CBL: variants seen among roughly 807,000 people sequenced by gnomAD.
The protein encoded by CBL is Cbl proto-oncogene, also known as E3 ubiquitin-protein ligase CBL.
A neutral mutation model predicts 96.9 loss-of-function variants in CBL; 45 were observed. That is an observed-to-expected ratio of 0.46 (90% confidence interval 0.37 to 0.60). The LOEUF (loss-of-function observed/expected upper bound fraction) is 0.60, where lower values mean the gene tolerates loss of function less well. Ranked by LOEUF, CBL falls within the 20% of genes least tolerant of loss-of-function variation. The pLI is 0.00. For missense variants in CBL, 1,024 were observed against 1,143.5 expected (o/e 0.90, Z 1.51); for synonymous variants, 420 against 426.8 (o/e 0.98, Z 0.20).
chr11:119,209,163 C>T (rs561550413), intron 1 of CBL, among the ~76,000 whole-genome samples: 1 of 152,302 alleles, frequency 6.6e-6, no homozygotes, highest in Admixed American at 6.5e-5. Flanking sequence ...TGCACCATCT[C>T]TTTTACCCTT....
In CBL at chr11:119,232,429, T is replaced by G; in HGVS notation, c.196-19T>G. 6.2e-7 allele frequency: 1 copy of G among 1,612,428 alleles called. No homozygotes were observed. The highest frequency in any genetic ancestry group is 1.7e-4 in the Middle Eastern group (1 of 6,058). On this transcript the variant is annotated intron_variant, in intron 1 of 15. Coordinates refer to ENST00000264033, the MANE Select transcript of CBL (RefSeq NM_005188.4). Reference sequence around the variant, plus strand: ...TTAAAATTCTCCAAGTAATAGCCCTTCTTTTTCATTTGTTGCAGGTGGTGC... The same window carrying G: ...TTAAAATTCTCCAAGTAATAGCCCTGCTTTTTCATTTGTTGCAGGTGGTGC...
rs376975259 is a variant in CBL at position 119,235,795 on chromosome 11, C to T, written c.443+3100C>T. Among the ~76,000 whole-genome samples the T allele has an allele frequency of 1.5e-4, 23 of 152,266 alleles. 1 individual carries two copies. The East Asian group carries it at 4.2e-3, about 28-fold the overall frequency. On this transcript the variant is annotated intron_variant, in intron 2 of 15. Transcript: ENST00000264033. Reference sequence around the variant, plus strand: ...ACAAGTTCTTTTGCCTCTTTTTAAACCTCACTGTCAGTGTGCCTGTCTGTA... The same window carrying T: ...ACAAGTTCTTTTGCCTCTTTTTAAATCTCACTGTCAGTGTGCCTGTCTGTA...
chr11:119,250,434 C>G (rs1363561077), intron 2 of CBL, among the ~76,000 whole-genome samples: 2 of 152,152 alleles, frequency 1.3e-5, no homozygotes, highest in African/African-American at 4.8e-5. Context: ...ATGCATCTCT[C>G]TCCTCTCTTG....
intron 2 of CBL, among the ~76,000 whole-genome samples, chr11:119,241,653 AGT>A (rs754661281): frequency 3.9e-5 from 6 of 152,204 alleles, no homozygotes; most frequent in Non-Finnish European, 7.3e-5. Flanking sequence ...GTTTTCAATA[AGT>A]GTGCAAAATT....
chr11:119,207,437 A>G (rs866317759), intron 1 of CBL, among the ~76,000 whole-genome samples: 1 of 152,192 alleles, frequency 6.6e-6, no homozygotes, highest in African/African-American at 2.4e-5. Context: ...TTTTTCTGGT[A>G]ACGGTTCTGA....
rs188372081 is a variant in CBL, at chr11:119,218,187, G to A, written c.195+11575G>A. On this transcript the variant is annotated intron_variant, in intron 1 of 15. Coordinates refer to ENST00000264033, the MANE Select transcript of CBL (RefSeq NM_005188.4). ...ACATAAATGTAGTAGTTGCTGGGGAGTTAAAGATGACCCGGCACTCACACT... is the reference window on the plus strand; with the variant it reads ...ACATAAATGTAGTAGTTGCTGGGGAATTAAAGATGACCCGGCACTCACACT... Among the ~76,000 whole-genome samples the A allele has an allele frequency of 3.2e-3, 481 of 152,288 alleles. 1 individual carries two copies. The highest frequency in any genetic ancestry group is 8.8e-3 in the Admixed American group (135 of 15,284).
chr11:119,245,590 A>G (rs1949620869), intron 2 of CBL, among the ~76,000 whole-genome samples: 1 of 151,854 alleles, frequency 6.6e-6, no homozygotes, highest in Admixed American at 6.6e-5. Context: ...TTACCCGGGC[A>G]TGGTGGTGGG....
chr11:119,256,686 G>GT (rs56753854), intron 2 of CBL, among the ~76,000 whole-genome samples: 250 of 134,778 alleles, frequency 1.9e-3, no homozygotes, highest in African/African-American at 4.0e-3. Flanking sequence ...TATGTAGTTT[G>GT]TTTTTTTTTT....
chr11:119,271,779 C>T lies in CBL; in HGVS notation c.488C>T (p.Ala163Val), dbSNP rs761864498. 1.9e-6 allele frequency: 3 copies of T among 1,613,924 alleles called. No homozygotes were observed. Among genetic ancestry groups the T allele is most frequent in the Admixed American group, 1.7e-5 (1 of 60,020 alleles). ...TCCCTCATCTTCAGCCACATGCTGG[C>T]AGAACTAAAAGGAATCTTTCCAAGT... ...KLSLIFSHMLAELKGIFPSGL... is the reference protein window; with the variant it reads ...KLSLIFSHMLVELKGIFPSGL... Residue 163 changes from alanine to valine, a missense_variant, in exon 3 of 16, where the codon GCA becomes GTA. This residue lies in a region of CBL where 192 missense variants were observed against 321.8 expected (regional missense o/e 0.60). Coordinates refer to ENST00000264033, the MANE Select transcript of CBL (RefSeq NM_005188.4).
In CBL at chr11:119,303,484, CAT is replaced by C. The variant is rs1950114928; in HGVS notation, c.*3705_*3706del. On this transcript the variant is annotated 3_prime_UTR_variant, in exon 16 of 16. Transcript: ENST00000264033. ...GTTTGGGGGATTGTACTTGGACTGTCATAGCCTCTGCGTTTGACCTTAAAATA... is the reference window on the plus strand; with the variant it reads ...GTTTGGGGGATTGTACTTGGACTGTCAGCCTCTGCGTTTGACCTTAAAATA... 1 of 233,578 alleles carries C rather than the reference CAT, an allele frequency of 4.3e-6. No homozygotes were observed. The highest frequency in any genetic ancestry group is 1.8e-4 in the South Asian group (1 of 5,536). 14.5% of individuals were successfully genotyped at this position (233,578 alleles called of 1,614,324 possible).
intron 2 of CBL, among the ~76,000 whole-genome samples, chr11:119,245,956 C>CTTTTTTTTTTTTTTT (rs71048054): frequency 3.7e-5 from 2 of 54,282 alleles, no homozygotes; most frequent in East Asian, 6.4e-4. Flanking sequence ...CTTTGCAAAT[C>CTTTTTTTTTTTTTTT]TTTTTTTTTT....
At position 119,261,677 on chromosome 11, in the gene CBL, A is replaced by G. The variant is rs536129818; in HGVS notation, c.444-10058A>G. On this transcript the variant is annotated intron_variant, in intron 2 of 15. Transcript: ENST00000264033. ...AGTACTGAGGGTTAATATGCTTTCA[A>G]TTGTGGGCAAATGCTCCAGTGCATG... is the stretch of plus-strand genomic sequence containing the variant. Among the ~76,000 whole-genome samples, 10 of 152,326 alleles carry G rather than the reference A, an allele frequency of 6.6e-5. No individual in the cohort carries two copies. In the South Asian group the frequency reaches 2.1e-3, roughly 32 times the overall value.
chr11:119,297,564 A>T (rs1950073100), intron 14 of CBL, 83 bp downstream of exon 14: 1 of 1,018,832 alleles, frequency 9.8e-7, no homozygotes. Context: ...AGATAGCTTG[A>T]TCTAAGCTCA....
chr11:119,290,266 G>A (rs567408858), intron 12 of CBL, among the ~76,000 whole-genome samples: 1 of 152,110 alleles, frequency 6.6e-6, no homozygotes, highest in South Asian at 2.1e-4. Flanking sequence ...GGCTGGTCTC[G>A]AACTTCTGGG....
intron 13 of CBL, 60 bp downstream of exon 13, chr11:119,297,094 C>T: frequency 1.1e-6 from 1 of 890,840 alleles, no homozygotes; most frequent in Middle Eastern, 2.1e-4. Flanking sequence ...TGACACCCTT[C>T]ACCTGCTTGG....
chr11:119,299,426 A>G, intron 15 of CBL, 69 bp from the exon 16 acceptor site: 1 of 1,423,012 alleles, frequency 7.0e-7, no homozygotes, highest in Admixed American at 1.7e-5. Flanking sequence ...ATATTAGCAC[A>G]TTTTTATTGC....
In CBL at chr11:119,308,021, T is replaced by C. The variant is rs1178859009; in HGVS notation, c.*8240T>C. ...TTGCCAGTGTATTAATGTTTAGAAG[T>C]CTGTTTTACTAATGTTATTTATTAA... On this transcript the variant is annotated 3_prime_UTR_variant, in exon 16 of 16. Coordinates refer to ENST00000264033, the MANE Select transcript of CBL (RefSeq NM_005188.4). 3 of 187,406 alleles carry C rather than the reference T, an allele frequency of 1.6e-5. No homozygotes were observed. The highest frequency in any genetic ancestry group is 3.4e-5 in the Non-Finnish European group (3 of 88,594). 11.6% of individuals were successfully genotyped at this position (187,406 alleles called of 1,614,324 possible).
At chr11:119,262,340 T>G (rs1454081470) in intron 2 of CBL, among the ~76,000 whole-genome samples, 2 of 152,158 alleles carry the variant, frequency 1.3e-5, no homozygotes, top group African/African-American at 4.8e-5. Context: ...GATCCTGGAA[T>G]AGATAAAAAC....
intron 2 of CBL, among the ~76,000 whole-genome samples, chr11:119,235,799 A>G (rs1384152971): frequency 6.6e-6 from 1 of 152,148 alleles, no homozygotes; most frequent in Non-Finnish European, 1.5e-5. Flanking sequence ...TTTAAACCTC[A>G]CTGTCAGTGT....
Sources: gnomAD v4.1 joint callset for allele counts (sites outside exome capture counted in the v4.1 genomes callset) on GRCh38, gnomAD v4.1.1 for gene constraint, gnomAD v4.1.1 regional missense constraint, MANE v1.5 for transcripts, NCBI Gene and HGNC (gene_info 2026-07-23, HGNC 2026-07-21) for gene names.